ADGRB3: variants seen among roughly 807,000 people sequenced by gnomAD.
The protein encoded by ADGRB3 is brain-specific angiogenesis inhibitor 3.
Under a neutral mutation model 193.4 loss-of-function variants are expected in ADGRB3, and 37 were observed. The observed-to-expected ratio is 0.19, with a 90% CI of 0.15 to 0.25. ADGRB3 has a LOEUF of 0.25. Among genes scored for constraint, ADGRB3 ranks in the 10% least tolerant of loss-of-function variants. The pLI is 1.00. For synonymous variants in ADGRB3, 690 were observed against 644.2 expected (o/e 1.07, Z -1.08); for missense variants, 1,637 against 1,852.9 (o/e 0.88, Z 2.14).
intron 3 of ADGRB3, among the ~76,000 whole-genome samples, chr6:68,845,471 A>G (rs948527250): frequency 1.3e-5 from 2 of 152,124 alleles, no homozygotes; most frequent in African/African-American, 2.4e-5. Context: ...ACTGTGTGAT[A>G]TGGTTTGGCT....
intron 15 of ADGRB3, among the ~76,000 whole-genome samples, chr6:69,062,510 A>T (rs190723499): frequency 6.6e-6 from 1 of 152,010 alleles, no homozygotes; most frequent in East Asian, 1.9e-4. Context: ...GTGTTTTGGG[A>T]TAATCCATAA....
At chr6:69,373,121 C>A (rs1769740767) in intron 30 of ADGRB3, among the ~76,000 whole-genome samples, 1 of 151,884 alleles carries the variant, frequency 6.6e-6, no homozygotes, top group Admixed American at 6.6e-5. Context: ...CGTTTAAGCA[C>A]CACATAAAAT....
intron 4 of ADGRB3, among the ~76,000 whole-genome samples, chr6:68,931,461 G>A (rs1767336212): frequency 6.6e-6 from 1 of 151,910 alleles, no homozygotes; most frequent in African/African-American, 2.4e-5. Flanking sequence ...TCCTTAAAAA[G>A]TGTTTCAACT....
At chr6:68,928,752 G>A (rs1426732293) in intron 3 of ADGRB3, among the ~76,000 whole-genome samples, 1 of 152,096 alleles carries the variant, frequency 6.6e-6, no homozygotes, top group Non-Finnish European at 1.5e-5. Flanking sequence ...TTACCTTAGT[G>A]TGAGCATCAG....
chr6:69,003,548 C>G (rs993059778), intron 11 of ADGRB3, among the ~76,000 whole-genome samples: 1 of 151,926 alleles, frequency 6.6e-6, no homozygotes, highest in Non-Finnish European at 1.5e-5. Context: ...TAGCTCCCAG[C>G]CAACAATCAC....
intron 20 of ADGRB3, among the ~76,000 whole-genome samples, chr6:69,323,352 A>G (rs1455464665): frequency 6.6e-6 from 1 of 152,012 alleles, no homozygotes; most frequent in Non-Finnish European, 1.5e-5. Flanking sequence ...TAGATCAAAA[A>G]TAAGCAAACT....
At chr6:68,726,287 C>G (rs1765673161) in intron 3 of ADGRB3, among the ~76,000 whole-genome samples, 2 of 151,614 alleles carry the variant, frequency 1.3e-5, no homozygotes. Flanking sequence ...ATTATCTTCT[C>G]TGCCTTCTCA....
rs1051802670 is a variant in ADGRB3 at position 68,658,114 on chromosome 6, C to T, written c.757+18682C>T. Among the ~76,000 whole-genome samples the T allele has an allele frequency of 4.0e-5, 6 of 151,348 alleles. No homozygotes were observed. In the East Asian group the frequency reaches 1.2e-3, roughly 29 times the overall value. ...AATTTTAAATATTAACTCTTTCATT[C>T]TTCCTAAGAGCCCCATGAGATAGCT... is the stretch of plus-strand genomic sequence containing the variant. On this transcript the variant is annotated intron_variant, in intron 3 of 31. Transcript: ENST00000370598.
rs536410909 is a variant in ADGRB3, at chr6:68,721,261, T to A, written c.757+81829T>A. ...ACAATGATAGACTGGATTAAGAAAA[T>A]GTGGCACATATACACCATGGAATAC... On this transcript the variant is annotated intron_variant, in intron 3 of 31. Transcript: ENST00000370598. Among the ~76,000 whole-genome samples, 21 of 151,742 alleles carry A rather than the reference T, an allele frequency of 1.4e-4. No homozygotes were observed. The East Asian group carries it at 3.7e-3, about 27-fold the overall frequency.
chr6:69,114,462 T>C (rs1456649129), intron 17 of ADGRB3, among the ~76,000 whole-genome samples: 1 of 152,210 alleles, frequency 6.6e-6, no homozygotes, highest in Non-Finnish European at 1.5e-5. Flanking sequence ...ATAGGCTGCC[T>C]GTTCACTCTG....
intron 17 of ADGRB3, among the ~76,000 whole-genome samples, chr6:69,207,882 G>C (rs545094360): frequency 6.6e-6 from 1 of 152,294 alleles, no homozygotes; most frequent in South Asian, 2.1e-4. Context: ...TGGTAGTCTT[G>C]GCAGAAGCAC....
rs535802779 is a variant in ADGRB3 at position 69,385,005 on chromosome 6, A to G, written c.4380+2070A>G. On this transcript the variant is annotated intron_variant, in intron 31 of 31. Coordinates refer to ENST00000370598, the MANE Select transcript of ADGRB3 (RefSeq NM_001704.3). ...TGCTGACTCACAGCACCTGCCTGGC[A>G]CTGCAAATGATGGTAATTATGTAGA... Among the ~76,000 whole-genome samples the G allele has an allele frequency of 1.4e-4, 21 of 147,082 alleles. No homozygotes were observed. The East Asian group carries it at 4.2e-3, about 30-fold the overall frequency.
At position 68,909,075 on chromosome 6, in the gene ADGRB3, A is replaced by G. The variant is rs142251308; in HGVS notation, c.758-21484A>G. ...AAGACATTGGAGATTTTAATTAAGTAAAATTTCTTGAATGATGAAATCTTT... is the reference window on the plus strand; with the variant it reads ...AAGACATTGGAGATTTTAATTAAGTGAAATTTCTTGAATGATGAAATCTTT... On this transcript the variant is annotated intron_variant, in intron 3 of 31. Coordinates refer to ENST00000370598, the MANE Select transcript of ADGRB3 (RefSeq NM_001704.3). Among the ~76,000 whole-genome samples the G allele has an allele frequency of 4.4e-3, 664 of 152,300 alleles. 5 individuals carry two copies. The highest frequency in any genetic ancestry group is 0.014 in the African/African-American group (576 of 41,562).
rs376332609 is a variant in ADGRB3 at position 68,657,559 on chromosome 6, A to C, written c.757+18127A>C. Among the ~76,000 whole-genome samples, 4 of 151,536 alleles carry C rather than the reference A, an allele frequency of 2.6e-5. No individual in the cohort carries two copies. The East Asian group carries it at 7.8e-4, about 29-fold the overall frequency. Reference sequence around the variant, plus strand: ...GATAGGTGGGACTATTTCAGAGGACAAATGTGATCAAGCAGCTGGCCATGG... The same window carrying C: ...GATAGGTGGGACTATTTCAGAGGACCAATGTGATCAAGCAGCTGGCCATGG... On this transcript the variant is annotated intron_variant, in intron 3 of 31. Coordinates refer to ENST00000370598, the MANE Select transcript of ADGRB3 (RefSeq NM_001704.3).
intron 8 of ADGRB3, among the ~76,000 whole-genome samples, chr6:68,966,879 C>A (rs758010457): frequency 2.5e-4 from 38 of 152,012 alleles, no homozygotes; most frequent in Non-Finnish European, 5.1e-4. Flanking sequence ...TAGAAAGATC[C>A]CACTACTGGG....
At chr6:69,360,325 A>G (rs567066556) in intron 28 of ADGRB3, among the ~76,000 whole-genome samples, 13 of 151,906 alleles carry the variant, frequency 8.6e-5, no homozygotes, top group Non-Finnish European at 1.6e-4. Context: ...GACTTCAGTG[A>G]AAAAATCCTC....
At chr6:68,921,941 A>G (rs2150242581) in intron 3 of ADGRB3, among the ~76,000 whole-genome samples, 1 of 152,260 alleles carries the variant, frequency 6.6e-6, no homozygotes, top group Non-Finnish European at 1.5e-5. Context: ...GTGCTTTAAA[A>G]CAAATTTTGT....
chr6:68,753,716 GA>G (rs1459544439), intron 3 of ADGRB3, among the ~76,000 whole-genome samples: 1 of 152,038 alleles, frequency 6.6e-6, no homozygotes, highest in Non-Finnish European at 1.5e-5. Context: ...CAAAAGTAAA[GA>G]AAAATTATTT....
intron 16 of ADGRB3, among the ~76,000 whole-genome samples, chr6:69,069,224 G>A (rs889141811): frequency 6.6e-6 from 1 of 151,970 alleles, no homozygotes. Context: ...ACTTCCTGTT[G>A]AGTTTTATAT....
Sources: allele counts gnomAD v4.1 joint callset (sites outside exome capture counted in the v4.1 genomes callset), GRCh38; gene constraint gnomAD v4.1.1; transcripts MANE v1.5; gene names NCBI Gene and HGNC (gene_info 2026-07-23, HGNC 2026-07-21).